Variants in GLIS3 observed in about 807,000 individuals in gnomAD.
GLIS3 encodes GLIS family zinc finger 3, also known as zinc finger protein GLIS3.
A neutral mutation model predicts 78.6 loss-of-function variants in GLIS3; 53 were observed. That is an observed-to-expected ratio of 0.67 (90% CI 0.54 to 0.85). The LOEUF (loss-of-function observed/expected upper bound fraction) is 0.85, where lower values mean the gene tolerates loss of function less well. Among genes scored for constraint, GLIS3 ranks in the 40% least tolerant of loss-of-function variants. The probability of loss-of-function intolerance (pLI) is 0.00; values close to 1 mark genes in which losing one functional copy is unlikely to be tolerated. For synonymous variants in GLIS3, 684 were observed against 509.9 expected (o/e 1.34, Z -4.60); for missense variants, 1,703 against 1,231.1 (o/e 1.38, Z -5.74).
the GLIS3 span, among the ~76,000 whole-genome samples, chr9:4,489,023 C>T: frequency 1.3e-5 from 2 of 152,062 alleles, no homozygotes; most frequent in East Asian, 1.9e-4. Flanking sequence ...CGTGCCACCA[C>T]GCCCGGCTAA....
chr9:4,346,020 G>T (rs1817893351), intron 2 of GLIS3, among the ~76,000 whole-genome samples: 2 of 152,096 alleles, frequency 1.3e-5, no homozygotes, highest in Non-Finnish European at 2.9e-5. Flanking sequence ...AAATCAGTGA[G>T]ATCTAGGAGA....
chr9:4,474,995 C>CTT, the GLIS3 span, among the ~76,000 whole-genome samples: 5 of 81,444 alleles, frequency 6.1e-5, no homozygotes, highest in East Asian at 5.9e-4. Context: ...ATTTTTTTTT[C>CTT]TTTTTTTTTT....
chr9:3,859,400 C>CAT (rs1554631682), intron 8 of GLIS3, among the ~76,000 whole-genome samples: 34 of 149,434 alleles, frequency 2.3e-4, no homozygotes, highest in African/African-American at 7.4e-4. Context: ...CACACACACA[C>CAT]ATCAAAATGA....
At chr9:4,110,039 C>G (rs1162020419) in intron 4 of GLIS3, among the ~76,000 whole-genome samples, 1 of 152,178 alleles carries the variant, frequency 6.6e-6, no homozygotes, top group Non-Finnish European at 1.5e-5. Context: ...AACTGTCACC[C>G]CAATAGATTG....
intron 4 of GLIS3, among the ~76,000 whole-genome samples, chr9:3,937,453 C>T (rs1209685992): frequency 2.0e-5 from 3 of 152,098 alleles, no homozygotes; most frequent in Non-Finnish European, 4.4e-5. Context: ...AGAGAAAATT[C>T]ACCGTGAGCC....
At chr9:4,349,330 A>C (rs1030450952), upstream of GLIS3, among the ~76,000 whole-genome samples, 2 of 152,248 alleles carry the variant, frequency 1.3e-5, no homozygotes, top group Non-Finnish European at 2.9e-5. Context: ...GACCCATAAA[A>C]GCCAGGCATT....
At chr9:4,083,817 G>C (rs966903200) in intron 4 of GLIS3, among the ~76,000 whole-genome samples, 2 of 152,152 alleles carry the variant, frequency 1.3e-5, no homozygotes, top group African/African-American at 4.8e-5. Flanking sequence ...GACCAGCTAA[G>C]CTTACAGTAC....
chr9:4,336,711 C>A (rs533183262), intron 2 of GLIS3, among the ~76,000 whole-genome samples: 1 of 152,176 alleles, frequency 6.6e-6, no homozygotes, highest in African/African-American at 2.4e-5. Context: ...TTATGGGAAA[C>A]GTGCGATGTT....
intron 6 of GLIS3, among the ~76,000 whole-genome samples, chr9:3,915,654 C>T (rs956037751): frequency 6.6e-6 from 1 of 152,166 alleles, no homozygotes; most frequent in Non-Finnish European, 1.5e-5. Flanking sequence ...TTTGCAAATG[C>T]TCCAGCCTTC....
the GLIS3 span, among the ~76,000 whole-genome samples, chr9:4,366,730 TG>T: frequency 6.6e-6 from 1 of 152,012 alleles, no homozygotes; most frequent in South Asian, 2.1e-4. Flanking sequence ...GGCCTAGGAG[TG>T]CCAGTAAGTT....
intron 2 of GLIS3, among the ~76,000 whole-genome samples, chr9:4,187,155 CTTGAATTAATTTTTGTG>C (rs1175275151): frequency 6.6e-6 from 1 of 152,168 alleles, no homozygotes; most frequent in Admixed American, 6.5e-5. Context: ...TTTAATCCAT[CTTGAATTAATTTTTGTG>C]TAAGGTGTAA....
chr9:4,216,487 AAAAAAGAAAAG>A (rs1365103137), intron 2 of GLIS3, among the ~76,000 whole-genome samples: 16 of 151,798 alleles, frequency 1.1e-4, no homozygotes, highest in African/African-American at 3.4e-4. Flanking sequence ...CTCAAAAAAA[AAAAAAGAAAAG>A]AAAAGAAAAG....
intron 4 of GLIS3, among the ~76,000 whole-genome samples, chr9:3,993,902 T>C (rs143850962): frequency 6.6e-6 from 1 of 152,316 alleles, no homozygotes; most frequent in African/African-American, 2.4e-5. Flanking sequence ...AAAGAAAATT[T>C]TGCCTTATCT....
intron 2 of GLIS3, among the ~76,000 whole-genome samples, chr9:4,152,521 C>A (rs1834759484): frequency 6.6e-6 from 1 of 152,182 alleles, no homozygotes; most frequent in Admixed American, 6.5e-5. Context: ...TTTAACTTCT[C>A]TAGGCCTCAG....
chr9:4,096,963 G>A (rs1022625868), intron 4 of GLIS3, among the ~76,000 whole-genome samples: 4 of 152,160 alleles, frequency 2.6e-5, no homozygotes, highest in Non-Finnish European at 5.9e-5. Flanking sequence ...AGTGAGCCGA[G>A]ATCGTGCCAC....
intron 2 of GLIS3, among the ~76,000 whole-genome samples, chr9:4,268,030 T>TGCGTGCGTGCGC (rs1826178002): frequency 6.6e-6 from 1 of 152,018 alleles, no homozygotes; most frequent in African/African-American, 2.4e-5. Flanking sequence ...TGTATATATG[T>TGCGTGCGTGCGC]GCATACACAC....
chr9:4,240,876 A>T (rs1250595327), intron 2 of GLIS3, among the ~76,000 whole-genome samples: 1 of 152,204 alleles, frequency 6.6e-6, no homozygotes, highest in Non-Finnish European at 1.5e-5. Context: ...AAAGTGAAAT[A>T]AAACTCCATA....
At chr9:4,305,724 A>T (rs902494282) in intron 4 of GLIS3, 2 of 148,356 alleles carry the variant, frequency 1.3e-5, no homozygotes. Flanking sequence ...CTAGAGAGCC[A>T]CTGGAAAGGT....
chr9:4,135,712 C>T (rs1485195979), intron 2 of GLIS3, among the ~76,000 whole-genome samples: 2 of 152,082 alleles, frequency 1.3e-5, no homozygotes, highest in East Asian at 1.9e-4. Flanking sequence ...ATGGGAGAAA[C>T]ATCAAGTATA....
Sources: allele counts gnomAD v4.1 joint callset (sites outside exome capture counted in the v4.1 genomes callset), GRCh38; gene constraint gnomAD v4.1.1; transcripts MANE v1.5; gene names NCBI Gene and HGNC (gene_info 2026-07-23, HGNC 2026-07-21).